Variants in CDH13 observed in about 807,000 individuals in gnomAD.
CDH13 encodes the protein cadherin 13, also known as cadherin-13.
In CDH13, 24 loss-of-function variants were observed where a neutral mutation model predicts 63.8. That is an observed-to-expected ratio of 0.38 (90% confidence interval 0.27 to 0.53). The LOEUF is 0.53. Among genes scored for constraint, CDH13 ranks in the 20% least tolerant of loss-of-function variants. The probability of loss-of-function intolerance (pLI) is 0.85; values close to 1 mark genes in which losing one functional copy is unlikely to be tolerated. For missense variants in CDH13, 1,049 were observed against 903.1 expected (o/e 1.16, Z -2.07); for synonymous variants, 503 against 355.3 (o/e 1.42, Z -4.67).
In CDH13 at chr16:83,162,554, G is replaced by C. The variant is rs540014476; in HGVS notation, c.483+37053G>C. Among the ~76,000 whole-genome samples, 3 of 150,824 alleles carry C rather than the reference G, an allele frequency of 2.0e-5. No individual in the cohort carries two copies. In the East Asian group the frequency reaches 5.8e-4, roughly 29 times the overall value. The stretch of plus-strand genomic sequence containing the variant: ...AAGTTTTAAAGGTTGAACAAAGCAA[G>C]GTGTTGAAAGAGCACCCTGAGTCTG... On this transcript the variant is annotated intron_variant, in intron 4 of 13. Transcript: ENST00000567109.
At chr16:82,715,805 G>T (rs1016583315) in intron 1 of CDH13, among the ~76,000 whole-genome samples, 4 of 152,178 alleles carry the variant, frequency 2.6e-5, no homozygotes, top group African/African-American at 9.7e-5. Context: ...ACAAGCCACA[G>T]TCTCACCTCA....
intron 1 of CDH13, among the ~76,000 whole-genome samples, chr16:82,817,360 T>A (rs1178604327): frequency 6.6e-6 from 1 of 152,132 alleles, no homozygotes; most frequent in East Asian, 1.9e-4. Context: ...TGGTTTCTGC[T>A]GAATCCATTG....
At chr16:82,703,121 C>A (rs772355628) in intron 1 of CDH13, among the ~76,000 whole-genome samples, 7 of 151,824 alleles carry the variant, frequency 4.6e-5, no homozygotes, top group Admixed American at 2.0e-4. Context: ...TTATATAAAC[C>A]ACTTATATAT....
At position 83,437,080 on chromosome 16, in the gene CDH13, G is replaced by A. The variant is rs145114926; in HGVS notation, c.782-49397G>A. Among the ~76,000 whole-genome samples the A allele has an allele frequency of 8.2e-4, 124 of 151,426 alleles. 1 individual carries two copies. The highest frequency in any genetic ancestry group is 2.9e-3 in the African/African-American group (121 of 41,310). ...GCATGCTTGGTACTGTTTTGTTTGG[G>A]TTTTTTTTTCCCAGTAGTAGGCTGG... On this transcript the variant is annotated intron_variant, in intron 6 of 13. Transcript: ENST00000567109.
intron 1 of CDH13, among the ~76,000 whole-genome samples, chr16:82,711,248 T>G (rs1597380366): frequency 6.6e-6 from 1 of 152,304 alleles, no homozygotes; most frequent in Middle Eastern, 3.4e-3. Flanking sequence ...AGATTCTGTT[T>G]CATCTCACCA....
intron 8 of CDH13, among the ~76,000 whole-genome samples, chr16:83,621,432 A>T (rs992506796): frequency 2.8e-5 from 4 of 141,208 alleles, no homozygotes; most frequent in Non-Finnish European, 4.5e-5. Context: ...TGAACTTGCA[A>T]ACTTCAACTT....
At chr16:83,741,514 G>A (rs907161688) in intron 10 of CDH13, among the ~76,000 whole-genome samples, 13 of 151,498 alleles carry the variant, frequency 8.6e-5, no homozygotes, top group Admixed American at 6.6e-4. Flanking sequence ...GTGTGTGTGT[G>A]TATATATATG....
At chr16:83,567,686 C>A (rs1904295745) in intron 7 of CDH13, among the ~76,000 whole-genome samples, 1 of 152,174 alleles carries the variant, frequency 6.6e-6, no homozygotes, top group Admixed American at 6.5e-5. Flanking sequence ...AGCTCTGCCT[C>A]CTGGGTTCAC....
intron 7 of CDH13, among the ~76,000 whole-genome samples, chr16:83,540,324 C>T (rs1471357582): frequency 6.6e-6 from 1 of 152,160 alleles, no homozygotes; most frequent in Non-Finnish European, 1.5e-5. Flanking sequence ...GCGTCTGCTG[C>T]CCCGAAGGAG....
rs1217222050 is a variant in CDH13, at chr16:83,171,454, A to G, written c.484-45891A>G. The G allele has an allele frequency of 9.1e-6, 12 of 1,320,618 alleles. No individual in the cohort carries two copies. The Admixed American group carries it at 2.4e-4, about 26-fold the overall frequency. 81.8% of individuals were successfully genotyped at this position (1,320,618 alleles called of 1,614,324 possible). A position where few individuals can be genotyped will look rare whatever the true frequency, so the allele number is the denominator to read the frequency against. Reference sequence around the variant, plus strand: ...GAGGACACAGATCCAAACCATATCAAAAGCTTTTCTAATTAGGTTACTCAT... The same window carrying G: ...GAGGACACAGATCCAAACCATATCAGAAGCTTTTCTAATTAGGTTACTCAT... On this transcript the variant is annotated intron_variant, in intron 4 of 13. Coordinates refer to ENST00000567109, the MANE Select transcript of CDH13 (RefSeq NM_001257.5).
At chr16:83,288,985 G>A (rs2089397688) in intron 5 of CDH13, among the ~76,000 whole-genome samples, 1 of 152,184 alleles carries the variant, frequency 6.6e-6, no homozygotes, top group African/African-American at 2.4e-5. Flanking sequence ...TTAACTGCCT[G>A]CTCGCTACAG....
intron 2 of CDH13, among the ~76,000 whole-genome samples, chr16:83,024,693 G>A (rs1244081367): frequency 6.6e-6 from 1 of 152,232 alleles, no homozygotes; most frequent in African/African-American, 2.4e-5. Context: ...AGCTCACAGT[G>A]TAATGTAATG....
intron 3 of CDH13, among the ~76,000 whole-genome samples, chr16:83,046,619 G>A (rs965103203): frequency 6.6e-6 from 1 of 152,146 alleles, no homozygotes; most frequent in Non-Finnish European, 1.5e-5. Context: ...AGCCCACTGG[G>A]AAGGCCTTTA....
At position 83,047,599 on chromosome 16, in the gene CDH13, T is replaced by C. The variant is rs1361559895; in HGVS notation, c.366+15381T>C. Among the ~76,000 whole-genome samples the C allele has an allele frequency of 6.6e-6, 1 of 152,234 alleles. No individual in the cohort carries two copies. Among genetic ancestry groups the C allele is most frequent in the Admixed American group, 6.5e-5 (1 of 15,284 alleles). ...AAGCTCCCTGTATTTTCCCAAATTC[T>C]GCATAAATAAAATAATATGCTCCAT... On this transcript the variant is annotated intron_variant, in intron 3 of 13. Coordinates refer to ENST00000567109, the MANE Select transcript of CDH13 (RefSeq NM_001257.5). The surrounding 1 kb of genome is among the most constrained non-coding windows in gnomAD (Gnocchi z 4.9).
intron 1 of CDH13, among the ~76,000 whole-genome samples, chr16:82,741,411 C>T (rs997378403): frequency 1.3e-5 from 2 of 152,226 alleles, no homozygotes; most frequent in Non-Finnish European, 1.5e-5. Flanking sequence ...TAATCCCCTG[C>T]AGGCTTTTCT....
chr16:83,105,232 C>G (rs934039172), intron 3 of CDH13, among the ~76,000 whole-genome samples: 2 of 152,182 alleles, frequency 1.3e-5, no homozygotes, highest in Admixed American at 6.5e-5. Flanking sequence ...ACCTGAGGAG[C>G]TGAGTTTTCC....
In CDH13 at chr16:83,170,391, T is replaced by C. The variant is rs142110218; in HGVS notation, c.483+44890T>C. On this transcript the variant is annotated intron_variant, in intron 4 of 13. Coordinates refer to ENST00000567109, the MANE Select transcript of CDH13 (RefSeq NM_001257.5). The stretch of plus-strand genomic sequence containing the variant: ...GGGTGTTTAGGAGTGTTTGCTTGAC[T>C]GATGGAGACACAGGGTTCCCAAACT... Among the ~76,000 whole-genome samples, 197 of 152,234 alleles carry C rather than the reference T, an allele frequency of 1.3e-3. No homozygotes were observed. The Middle Eastern group carries it at 0.024, about 18-fold the overall frequency.
intron 6 of CDH13, among the ~76,000 whole-genome samples, chr16:83,421,294 A>G (rs1326581082): frequency 6.6e-6 from 1 of 152,244 alleles, no homozygotes; most frequent in East Asian, 1.9e-4. Context: ...GCTGCAAATA[A>G]ATGAATTCCA....
intron 10 of CDH13, chr16:83,729,060 A>G (rs393596): frequency 0.53 from 79,845 of 151,972 alleles, 21,858 homozygotes; most frequent in Non-Finnish European, 0.61. Flanking sequence ...TCATCCTATC[A>G]GATCAGAGCT....
Sources: allele counts gnomAD v4.1 joint callset (sites outside exome capture counted in the v4.1 genomes callset), GRCh38; gene constraint gnomAD v4.1.1; non-coding constraint Gnocchi (gnomAD v3.1); transcripts MANE v1.5; gene names NCBI Gene and HGNC (gene_info 2026-07-23, HGNC 2026-07-21).